KCNJ11: variants seen among roughly 807,000 people sequenced by gnomAD.
The protein encoded by KCNJ11 is potassium inwardly rectifying channel subfamily J member 11, also known as ATP-sensitive inward rectifier potassium channel 11.
In KCNJ11, 12 loss-of-function variants were observed where a neutral mutation model predicts 17.3. The ratio of observed to expected loss-of-function variants is 0.69; its 90% CI spans 0.44 to 1.12. KCNJ11 has a LOEUF of 1.12. KCNJ11 is among the 50% of genes most tolerant of loss of function. KCNJ11 has a pLI of 0.00. For missense variants in KCNJ11, 386 were observed against 554.1 expected (o/e 0.70, Z 3.05); for synonymous variants, 211 against 223.4 (o/e 0.94, Z 0.50).
chr11:17,388,235 A>G lies in KCNJ11; in HGVS notation c.-144T>C, dbSNP rs1285005214. 7.4e-6 allele frequency: 5 copies of G among 680,140 alleles called. No individual in the cohort carries two copies. The African/African-American group carries it at 9.1e-5, about 12-fold the overall frequency. 42.1% of individuals were successfully genotyped at this position (680,140 alleles called of 1,614,324 possible). A position where few individuals can be genotyped will look rare whatever the true frequency, so the allele number is the denominator to read the frequency against. ...CCTGTGCTGGCCTCACTTCTGAGAT[A>G]ACTCCCCACCAGACTCTTCCTTACC... On this transcript the variant is annotated 5_prime_UTR_variant, in exon 1 of 1. Transcript: ENST00000339994.
rs954727530 is a variant in KCNJ11 at position 17,387,992 on chromosome 11, G to A, written c.100C>T (p.Arg34Cys). ...PRYRARQRRARFVSKKGNCNV... is the reference protein window; with the variant it reads ...PRYRARQRRACFVSKKGNCNV... ...CAGTTGCCTTTCTTGGACACAAAGC[G>A]GGCCCTCCGCTGGCGGGCACGGTAC... is the stretch of plus-strand genomic sequence containing the variant. The change falls in exon 1 of 1, where the codon CGC (arginine) becomes TGC (cysteine). Residue 34 changes from arginine (R) to cysteine (C), a missense_variant. Physicochemically the swap from Arg to Cys is radical, Grantham distance 180 (BLOSUM62 -3). Transcript: ENST00000339994. 3.1e-6 allele frequency: 5 copies of A among 1,613,782 alleles called. No individual in the cohort carries two copies. The highest frequency in any genetic ancestry group is 3.3e-5 in the Admixed American group (2 of 60,000).
rs986129889 is a variant in KCNJ11 at position 17,388,093 on chromosome 11, G to C, written c.-2C>G. The C allele has an allele frequency of 5.0e-6, 8 of 1,608,622 alleles. No homozygotes were observed. Among genetic ancestry groups the C allele is most frequent in the Non-Finnish European group, 6.8e-6 (8 of 1,178,790 alleles). On this transcript the variant is annotated 5_prime_UTR_variant, in exon 1 of 1. Coordinates refer to ENST00000339994, the MANE Select transcript of KCNJ11 (RefSeq NM_000525.4). ...GATGATGCCCTTGCGGGACAGCATG[G>C]CTCCGGTGACCCCCAGGGAGGGGCT... is the stretch of plus-strand genomic sequence containing the variant.
Position 17,388,219 on chromosome 11 carries a change from G to T in KCNJ11, c.-128C>A. ...CTGGGGCTGCACTCAGCCTGTGCTG[G>T]CCTCACTTCTGAGATAACTCCCCAC... On this transcript the variant is annotated 5_prime_UTR_variant, in exon 1 of 1. Coordinates refer to ENST00000339994, the MANE Select transcript of KCNJ11 (RefSeq NM_000525.4). 1.3e-6 allele frequency: 1 copy of T among 771,546 alleles called. No homozygotes were observed. The allele number at this position is 771,546 out of a possible 1,614,324, so 47.8% of individuals were successfully genotyped here. A position where few individuals can be genotyped will look rare whatever the true frequency, so the allele number is the denominator to read the frequency against.
In KCNJ11 at chr11:17,385,505, G is replaced by A. The variant is rs762247193; in HGVS notation, c.*1414C>T. On this transcript the variant is annotated 3_prime_UTR_variant, in exon 1 of 1. Coordinates refer to ENST00000339994, the MANE Select transcript of KCNJ11 (RefSeq NM_000525.4). ...GGATTCGAACCCAGGCAGTTGGCTC[G>A]AGAGTTAGTGCTCCAATTACTACAC... Among the ~76,000 whole-genome samples, 63 of 152,234 alleles carry A rather than the reference G, an allele frequency of 4.1e-4. No individual in the cohort carries two copies. Among genetic ancestry groups the A allele is most frequent in the Admixed American group, 3.3e-3 (50 of 15,288 alleles).
At position 17,387,803 on chromosome 11, in the gene KCNJ11, G is replaced by A; in HGVS notation, c.289C>T (p.His97Tyr). ...AMAWWLIAFA[H>Y]GDLAPSEGTA... ...CCCTCGCTGGGGGCCAGGTCACCGTGGGCGAAGGCGATGAGCCACCAGGCC... is the reference window on the plus strand; with the variant it reads ...CCCTCGCTGGGGGCCAGGTCACCGTAGGCGAAGGCGATGAGCCACCAGGCC... The change falls in exon 1 of 1, where the codon CAC (histidine) becomes TAC (tyrosine). Residue 97 changes from histidine to tyrosine, a missense_variant. Physicochemically the swap from His to Tyr is moderately conservative, Grantham distance 83. Coordinates refer to ENST00000339994, the MANE Select transcript of KCNJ11 (RefSeq NM_000525.4). 10 of 1,614,128 alleles carry A rather than the reference G, an allele frequency of 6.2e-6. No individual in the cohort carries two copies. The highest frequency in any genetic ancestry group is 8.5e-6 in the Non-Finnish European group (10 of 1,180,026).
In KCNJ11 at chr11:17,388,382, C is replaced by A. The variant is rs1027378927; in HGVS notation, c.-291G>T. ...AGATCACTAGGTCAGGAGTTCGAGA[C>A]CAGCCTGACCAACATGGTGAAACCC... On this transcript the variant is annotated 5_prime_UTR_variant, in exon 1 of 1. Coordinates refer to ENST00000339994, the MANE Select transcript of KCNJ11 (RefSeq NM_000525.4). The A allele has an allele frequency of 8.9e-6, 4 of 447,874 alleles. No individual in the cohort carries two copies. In the Admixed American group the frequency reaches 1.5e-4, roughly 17 times the overall value. 27.7% of individuals were successfully genotyped at this position (447,874 alleles called of 1,614,324 possible).
At position 17,386,746 on chromosome 11, in the gene KCNJ11, G is replaced by A; in HGVS notation, c.*173C>T. Reference sequence around the variant, plus strand: ...GCAGGGACAAAAATAACCCAGTACAGGTTCCTGCTGAGGCCAGAAATAGCA... The same window carrying A: ...GCAGGGACAAAAATAACCCAGTACAAGTTCCTGCTGAGGCCAGAAATAGCA... On this transcript the variant is annotated 3_prime_UTR_variant, in exon 1 of 1. Transcript: ENST00000339994. 1 of 625,466 alleles carries A rather than the reference G, an allele frequency of 1.6e-6. No individual in the cohort carries two copies. The highest frequency in any genetic ancestry group is 2.8e-6 in the Non-Finnish European group (1 of 359,632). The allele number at this position is 625,466 out of a possible 1,614,324, so 38.7% of individuals were successfully genotyped here.
In KCNJ11 at chr11:17,388,164, C is replaced by T; in HGVS notation, c.-73G>A. 1 of 1,399,608 alleles carries T rather than the reference C, an allele frequency of 7.1e-7. No individual in the cohort carries two copies. The highest frequency in any genetic ancestry group is 1.0e-6 in the Non-Finnish European group (1 of 1,000,886). The allele number at this position is 1,399,608 out of a possible 1,614,324, so 86.7% of individuals were successfully genotyped here. ...TCGGACGTGGCCTAGGGCCTCACTG[C>T]AGAGTCCTCTCGGTGGGCACCTTCT... On this transcript the variant is annotated 5_prime_UTR_variant, in exon 1 of 1. Transcript: ENST00000339994.
At chr11:17,388,986 C>T (rs1591697277), upstream of KCNJ11, 3 of 393,066 alleles carry the variant, frequency 7.6e-6, no homozygotes, top group East Asian at 8.4e-5. Context: ...CTCTCGTCCT[C>T]TCTGTCTCCT....
At position 17,385,504 on chromosome 11, in the gene KCNJ11, C is replaced by G. The variant is rs955060881; in HGVS notation, c.*1415G>C. On this transcript the variant is annotated 3_prime_UTR_variant, in exon 1 of 1. Coordinates refer to ENST00000339994, the MANE Select transcript of KCNJ11 (RefSeq NM_000525.4). ...AGGATTCGAACCCAGGCAGTTGGCT[C>G]GAGAGTTAGTGCTCCAATTACTACA... 2.0e-5 allele frequency among the ~76,000 whole-genome samples: 3 copies of G among 152,252 alleles called. No homozygotes were observed. The highest frequency in any genetic ancestry group is 6.5e-5 in the Admixed American group (1 of 15,292).
At position 17,387,335 on chromosome 11, in the gene KCNJ11, C is replaced by A; in HGVS notation, c.757G>T (p.Ala253Ser). The A allele has an allele frequency of 6.2e-7, 1 of 1,614,042 alleles. No individual in the cohort carries two copies. The highest frequency in any genetic ancestry group is 1.3e-5 in the African/African-American group (1 of 75,006). Residue 253 changes from alanine to serine, a missense_variant, in exon 1 of 1, where the codon GCC (alanine) becomes TCC (serine). By Grantham distance (99) the Ala-to-Ser change is moderately conservative. Transcript: ENST00000339994. Reference sequence around the variant, plus strand: ...ATGACATGGTAGATGATCAGCGGGGCCACCAGGAAGATGCTGTTGCCACCC... The same window carrying A: ...ATGACATGGTAGATGATCAGCGGGGACACCAGGAAGATGCTGTTGCCACCC... Reference protein sequence around the residue: ...GVGGNSIFLVAPLIIYHVIDA... With the variant: ...GVGGNSIFLVSPLIIYHVIDA...
At position 17,387,931 on chromosome 11, in the gene KCNJ11, C is replaced by CG; in HGVS notation, c.160dup (p.Arg54ProfsTer46). ...CGTGGTGAACACGTCCTGCAGGAAG[C>CG]GGCCCTGCTCCCGGATGTTCTTGTG... On this transcript the variant is annotated frameshift_variant, in exon 1 of 1. Coordinates refer to ENST00000339994, the MANE Select transcript of KCNJ11 (RefSeq NM_000525.4). The CG allele has an allele frequency of 6.2e-7, 1 of 1,610,596 alleles. No homozygotes were observed. Among genetic ancestry groups the CG allele is most frequent in the Non-Finnish European group, 8.5e-7 (1 of 1,177,048 alleles).
chr11:17,387,016 A>G lies in KCNJ11; in HGVS notation c.1076T>C (p.Leu359Pro). 1 of 1,614,158 alleles carries G rather than the reference A, an allele frequency of 6.2e-7. No individual in the cohort carries two copies. The highest frequency in any genetic ancestry group is 8.5e-7 in the Non-Finnish European group (1 of 1,179,974). The change falls in exon 1 of 1, where the codon CTG becomes CCG. Residue 359 changes from leucine to proline, a missense_variant. Transcript: ENST00000339994. The part of the protein sequence containing the change: ...LDEDHSLLEA[L>P]TLASARGPLR... ...GGGCCCGCGGGCTGAGGCGAGGGTCAGAGCTTCCAGTAGGCTGTGGTCCTC... is the reference window on the plus strand; with the variant it reads ...GGGCCCGCGGGCTGAGGCGAGGGTCGGAGCTTCCAGTAGGCTGTGGTCCTC...
chr11:17,386,997 G>A lies in KCNJ11; in HGVS notation c.1095C>T (p.Arg365=), dbSNP rs143276279. 515 of 1,613,872 alleles carry A rather than the reference G, an allele frequency of 3.2e-4. 3 individuals carry two copies. The African/African-American group carries it at 6.0e-3, about 19-fold the overall frequency. Residue 365 remains arginine (R), a synonymous_variant, in exon 1 of 1, where the codon CGC becomes CGT. Coordinates refer to ENST00000339994, the MANE Select transcript of KCNJ11 (RefSeq NM_000525.4). ...LLEALTLASA[R]GPLRKRSVPM... is the part of the protein sequence containing the mutation. ...GCACGCTGCGCTTGCGCAGGGGCCC[G>A]CGGGCTGAGGCGAGGGTCAGAGCTT... is the stretch of plus-strand genomic sequence containing the variant.
Position 17,387,419 on chromosome 11 carries a change from T to C in KCNJ11, c.673A>G (p.Ser225Gly). 1.2e-6 allele frequency: 2 copies of C among 1,613,822 alleles called. No individual in the cohort carries two copies. The highest frequency in any genetic ancestry group is 1.7e-6 in the Non-Finnish European group (2 of 1,180,002). Residue 225 changes from serine (S) to glycine (G), a missense_variant, in exon 1 of 1, where the codon AGC becomes GGC. By Grantham distance (56) the Ser-to-Gly change is moderately conservative. Transcript: ENST00000339994. ...AGGGGCACCACCTCGCCCTCGGGGC[T>C]GGTGGTCTTGCGTACCACCTGCATG... ...IHMQVVRKTT[S>G]PEGEVVPLHQ...
In KCNJ11 at chr11:17,386,950, T is replaced by C. The variant is rs1374368104; in HGVS notation, c.1142A>G (p.Lys381Arg). Reference protein sequence around the residue: ...RSVPMAKAKPKFSISPDSLS With the variant: ...RSVPMAKAKPRFSISPDSLS ...CAGGGAATCTGGAGAGATGCTGAACTTGGGCTTGGCCTTGGCCATGGGCAC... is the reference window on the plus strand; with the variant it reads ...CAGGGAATCTGGAGAGATGCTGAACCTGGGCTTGGCCTTGGCCATGGGCAC... Residue 381 changes from lysine to arginine, a missense_variant, in exon 1 of 1, where the codon AAG becomes AGG. Coordinates refer to ENST00000339994, the MANE Select transcript of KCNJ11 (RefSeq NM_000525.4). The C allele has an allele frequency of 2.5e-6, 4 of 1,613,330 alleles. No homozygotes were observed. The highest frequency in any genetic ancestry group is 3.4e-6 in the Non-Finnish European group (4 of 1,179,628).
In KCNJ11 at chr11:17,387,378, G is replaced by T. The variant is rs1953579486; in HGVS notation, c.714C>A (p.Ile238=). The stretch of plus-strand genomic sequence containing the variant: ...TGCCACCCACGCCGTTCTCCATGGG[G>T]ATGTCCACCTGGTGGAGGGGCACCA... ...GEVVPLHQVD[I]PMENGVGGNS... Residue 238 remains isoleucine (I), a synonymous_variant, in exon 1 of 1, where the codon ATC becomes ATA. Coordinates refer to ENST00000339994, the MANE Select transcript of KCNJ11 (RefSeq NM_000525.4). 7 of 1,614,142 alleles carry T rather than the reference G, an allele frequency of 4.3e-6. No homozygotes were observed. Among genetic ancestry groups the T allele is most frequent in the African/African-American group, 1.3e-5 (1 of 75,052 alleles).
In KCNJ11 at chr11:17,388,169, T is replaced by A. The variant is rs1328963886; in HGVS notation, c.-78A>T. 1 of 1,330,620 alleles carries A rather than the reference T, an allele frequency of 7.5e-7. No individual in the cohort carries two copies. Among genetic ancestry groups the A allele is most frequent in the Non-Finnish European group, 1.1e-6 (1 of 945,710 alleles). 82.4% of individuals were successfully genotyped at this position (1,330,620 alleles called of 1,614,324 possible). ...CGTGGCCTAGGGCCTCACTGCAGAG[T>A]CCTCTCGGTGGGCACCTTCTCACCC... is the stretch of plus-strand genomic sequence containing the variant. On this transcript the variant is annotated 5_prime_UTR_variant, in exon 1 of 1. Coordinates refer to ENST00000339994, the MANE Select transcript of KCNJ11 (RefSeq NM_000525.4).
chr11:17,387,369 C>T lies in KCNJ11; in HGVS notation c.723G>A (p.Glu241=). The change falls in exon 1 of 1, where the codon GAG becomes GAA. Residue 241 remains glutamate (E), a synonymous_variant. Coordinates refer to ENST00000339994, the MANE Select transcript of KCNJ11 (RefSeq NM_000525.4). ...AGATGCTGTTGCCACCCACGCCGTT[C>T]TCCATGGGGATGTCCACCTGGTGGA... ...VPLHQVDIPM[E]NGVGGNSIFL... is the part of the protein sequence containing the mutation. 6.2e-7 allele frequency: 1 copy of T among 1,614,160 alleles called. No homozygotes were observed. The highest frequency in any genetic ancestry group is 8.5e-7 in the Non-Finnish European group (1 of 1,180,038).
Sources: gnomAD v4.1 joint callset for allele counts (sites outside exome capture counted in the v4.1 genomes callset) on GRCh38, gnomAD v4.1.1 for gene constraint, MANE v1.5 for transcripts, NCBI Gene and HGNC (gene_info 2026-07-23, HGNC 2026-07-21) for gene names.